NCKAP5: variants seen among roughly 807,000 people sequenced by gnomAD.
NCKAP5 encodes the protein nck-associated protein 5.
In NCKAP5, 92 loss-of-function variants were observed where a neutral mutation model predicts 167.0. The observed-to-expected ratio is 0.55, with a 90% CI of 0.47 to 0.66. NCKAP5 has a LOEUF of 0.66. Among genes scored for constraint, NCKAP5 ranks in the 30% least tolerant of loss-of-function variants. The pLI, the probability that NCKAP5 is intolerant of heterozygous loss-of-function variation, is 0.00. For missense variants in NCKAP5, 2,378 were observed against 2,315.0 expected, an observed-to-expected ratio of 1.03 and a Z score of -0.56; for synonymous variants, 891 against 877.4, an observed-to-expected ratio of 1.02 and a Z score of -0.27.
At chr2:133,597,599 G>A in the NCKAP5 span, among the ~76,000 whole-genome samples, 3 of 148,988 alleles carry the variant, frequency 2.0e-5, no homozygotes, top group Non-Finnish European at 4.4e-5. Flanking sequence ...AACCCAGGAG[G>A]TGGAGGTTGC....
intron 1 of NCKAP5, among the ~76,000 whole-genome samples, chr2:133,560,600 G>A (rs1688085318): frequency 6.6e-6 from 1 of 152,064 alleles, no homozygotes; most frequent in Non-Finnish European, 1.5e-5. Flanking sequence ...TGAATAAGAG[G>A]AGCTGGAAAC....
the NCKAP5 span, among the ~76,000 whole-genome samples, chr2:133,608,323 A>C: frequency 2.0e-5 from 3 of 152,196 alleles, no homozygotes; most frequent in Non-Finnish European, 1.5e-5. Context: ...GTAGGAGCCA[A>C]AGGATCTTAA....
chr2:133,551,968 T>A, intron 2 of NCKAP5, among the ~76,000 whole-genome samples: 2 of 128,946 alleles, frequency 1.6e-5, no homozygotes, highest in African/African-American at 6.4e-5. Flanking sequence ...AGAAGACATT[T>A]ATGCAGCCAA....
chr2:133,673,208 C>T, the NCKAP5 span, among the ~76,000 whole-genome samples: 1 of 152,180 alleles, frequency 6.6e-6, no homozygotes, highest in East Asian at 1.9e-4. Context: ...ACCTCCACTG[C>T]CCCATTTTCA....
rs766482372 is a variant in NCKAP5, at chr2:132,725,674, C to T, written c.5666G>A (p.Gly1889Glu). Residue 1889 changes from glycine (G) to glutamate (E), a missense_variant, in exon 19 of 20, where the codon GGA becomes GAA. Around this residue, in one of 3 missense-constraint regions of NCKAP5, gnomAD observed 1,325 missense variants for 1,274.5 expected, o/e 1.04. Transcript: ENST00000409261. ...SDLDYGDNGF[G>E]AGRGQLVKAL... is the part of the protein sequence containing the mutation. ...TTTCACTAACTGTCCCCTTCCAGCT[C>T]CAAAACCATTATCTCCATAGTCCAG... 2 of 1,612,992 alleles carry T rather than the reference C, an allele frequency of 1.2e-6. No homozygotes were observed. Among genetic ancestry groups the T allele is most frequent in the Non-Finnish European group, 1.7e-6 (2 of 1,179,548 alleles).
chr2:133,188,274 T>C (rs1341148202), intron 5 of NCKAP5, among the ~76,000 whole-genome samples: 1 of 151,964 alleles, frequency 6.6e-6, no homozygotes, highest in African/African-American at 2.4e-5. Context: ...AGCACCCAGA[T>C]TCATAAAGCA....
intron 8 of NCKAP5, among the ~76,000 whole-genome samples, chr2:132,934,258 T>C (rs967693366): frequency 1.3e-5 from 2 of 152,326 alleles, no homozygotes; most frequent in East Asian, 1.9e-4. Context: ...CGTGAAGTCA[T>C]GGATAATTCA....
At chr2:133,587,491 G>A in the NCKAP5 span, among the ~76,000 whole-genome samples, 7 of 152,242 alleles carry the variant, frequency 4.6e-5, no homozygotes, top group African/African-American at 1.7e-4. Context: ...TCTGGGAAAA[G>A]CATTGATGCA....
At chr2:133,277,093 G>C (rs542427781) in intron 4 of NCKAP5, among the ~76,000 whole-genome samples, 7 of 152,204 alleles carry the variant, frequency 4.6e-5, no homozygotes, top group Admixed American at 2.0e-4. Context: ...TCACTTAAGG[G>C]GGAACTACTT....
At chr2:133,039,815 G>A (rs968517282) in intron 6 of NCKAP5, among the ~76,000 whole-genome samples, 7 of 152,000 alleles carry the variant, frequency 4.6e-5, no homozygotes, top group African/African-American at 1.5e-4. Flanking sequence ...ACCACACTCC[G>A]GAAAACACTA....
chr2:133,277,260 G>A (rs2089767530), intron 4 of NCKAP5, among the ~76,000 whole-genome samples: 1 of 152,054 alleles, frequency 6.6e-6, no homozygotes, highest in Non-Finnish European at 1.5e-5. Flanking sequence ...AGATGACATG[G>A]TAGTACTCCT....
intron 15 of NCKAP5, among the ~76,000 whole-genome samples, chr2:132,780,226 G>C (rs139720539): frequency 0.04 from 6,142 of 152,046 alleles, 267 homozygotes; most frequent in African/African-American, 0.1. Context: ...ATCTCGGCTC[G>C]CTGCAAGCTC....
At chr2:133,337,004 C>G (rs1241838937) in intron 3 of NCKAP5, among the ~76,000 whole-genome samples, 3 of 150,036 alleles carry the variant, frequency 2.0e-5, no homozygotes, top group Non-Finnish European at 2.9e-5. Flanking sequence ...AAATACCAAA[C>G]AACAAACATT....
chr2:133,137,742 G>C (rs922089279), intron 5 of NCKAP5, among the ~76,000 whole-genome samples: 1 of 152,194 alleles, frequency 6.6e-6, no homozygotes, highest in African/African-American at 2.4e-5. Flanking sequence ...AGAAAAGCAA[G>C]ATAAAATGAA....
intron 18 of NCKAP5, 140 bp from the exon 19 acceptor site, chr2:132,725,899 C>T: frequency 2.3e-6 from 2 of 872,786 alleles, no homozygotes; most frequent in Non-Finnish European, 3.4e-6. Context: ...GCCCGCCGCT[C>T]ACCCGAGAGC....
Position 133,516,335 on chromosome 2 carries a change from C to T in NCKAP5, c.69+1123G>A, listed in dbSNP as rs574070199. Reference sequence around the variant, plus strand: ...CACGTTCAACCTGGAGTTAGCAAGACGTAGGAGGTGAGATGGGGTCAGATC... The same window carrying T: ...CACGTTCAACCTGGAGTTAGCAAGATGTAGGAGGTGAGATGGGGTCAGATC... On this transcript the variant is annotated intron_variant, in intron 3 of 19. Coordinates refer to ENST00000409261, the MANE Select transcript of NCKAP5 (RefSeq NM_207363.3). 9.3e-4 allele frequency among the ~76,000 whole-genome samples: 141 copies of T among 152,092 alleles called. 1 individual carries two copies. The highest frequency in any genetic ancestry group is 3.0e-3 in the African/African-American group (124 of 41,486).
chr2:132,860,481 T>C lies in NCKAP5; in HGVS notation c.807+11A>G. 1 of 1,559,852 alleles carries C rather than the reference T, an allele frequency of 6.4e-7. No individual in the cohort carries two copies. Among genetic ancestry groups the C allele is most frequent in the Non-Finnish European group, 8.7e-7 (1 of 1,150,504 alleles). The stretch of plus-strand genomic sequence containing the variant: ...TCAGTAGCAAAGATTGTTTTCCAGA[T>C]AAACACATACCTGGAGGAGCAGATC... On this transcript the variant is annotated intron_variant, in intron 11 of 19. Transcript: ENST00000409261.
chr2:133,322,512 T>G (rs935890587), intron 3 of NCKAP5, among the ~76,000 whole-genome samples: 2 of 152,368 alleles, frequency 1.3e-5, no homozygotes, highest in East Asian at 3.9e-4. Flanking sequence ...TGTCTGTCTC[T>G]GTATTACTGA....
In NCKAP5 at chr2:133,355,608, T is replaced by C. The variant is rs1351766936; in HGVS notation, c.70-52498A>G. Among the ~76,000 whole-genome samples the C allele has an allele frequency of 3.3e-5, 5 of 152,154 alleles. 1 individual carries two copies. On this transcript the variant is annotated intron_variant, in intron 3 of 19. Transcript: ENST00000409261. ...ATTACTTATTGCCAACCTTTTTTTT[T>C]TCTTTTTGTATATTTTAGTCTGACC...
Sources: allele counts gnomAD v4.1 joint callset (sites outside exome capture counted in the v4.1 genomes callset), GRCh38; gene constraint gnomAD v4.1.1; regional missense constraint gnomAD v4.1.1; transcripts MANE v1.5; gene names NCBI Gene and HGNC (gene_info 2026-07-23, HGNC 2026-07-21).